Variants in CENPE observed in about 807,000 individuals in gnomAD.
CENPE encodes centromere-associated protein E.
Under a neutral mutation model 336.1 loss-of-function variants are expected in CENPE, and 145 were observed. That is an observed-to-expected ratio of 0.43 (90% CI 0.38 to 0.50). The LOEUF (loss-of-function observed/expected upper bound fraction) is 0.50. Ranked by LOEUF, CENPE falls within the 20% of genes least tolerant of loss-of-function variation. The pLI is 0.00. For synonymous variants in CENPE, 1,013 were observed against 984.8 expected, an observed-to-expected ratio of 1.03 and a Z score of -0.54; for missense variants, 2,719 against 3,023.3, an observed-to-expected ratio of 0.90 and a Z score of 2.36.
At chr4:103,125,634 G>A (rs530345209) in intron 42 of CENPE, among the ~76,000 whole-genome samples, 2 of 152,192 alleles carry the variant, frequency 1.3e-5, no homozygotes, top group South Asian at 4.2e-4. Flanking sequence ...GCAGTCCGAG[G>A]CGGGCAGATC....
Position 103,159,017 on chromosome 4 carries a change from T to C in CENPE, c.2594A>G (p.Lys865Arg). The C allele has an allele frequency of 6.5e-7, 1 of 1,532,518 alleles. No homozygotes were observed. The highest frequency in any genetic ancestry group is 8.7e-7 in the Non-Finnish European group (1 of 1,147,050). The allele number at this position is 1,532,518 out of a possible 1,614,324, so 94.9% of individuals were successfully genotyped here. ...QKFDSSLGAL[K>R]TELSYKTQEL... ...ATAGCATCTTGTACCAACCTCGGTCTTCAAAGCACCCAAACTCGAATCAAA... is the reference window on the plus strand; with the variant it reads ...ATAGCATCTTGTACCAACCTCGGTCCTCAAAGCACCCAAACTCGAATCAAA... The change falls in exon 22 of 49, where the codon AAG (lysine) becomes AGG (arginine). Residue 865 changes from lysine (K) to arginine (R), a missense_variant. Transcript: ENST00000265148.
intron 8 of CENPE, 70 bp from the exon 9 acceptor site, chr4:103,185,931 A>T: frequency 9.8e-7 from 1 of 1,017,822 alleles, no homozygotes; most frequent in Non-Finnish European, 1.5e-6. Context: ...CTACTGAAAG[A>T]ACATTTTTAA....
At chr4:103,148,778 TTA>T in intron 28 of CENPE, 64 bp downstream of exon 28, 6 of 1,451,192 alleles carry the variant, frequency 4.1e-6, no homozygotes, top group Non-Finnish European at 5.7e-6. Context: ...TTCTTACTGC[TTA>T]TCTTTCCTTC....
chr4:103,163,478 C>T lies in CENPE; in HGVS notation c.1722+1G>A. The stretch of plus-strand genomic sequence containing the variant: ...ATAGAAATACCAACATGAATGCTCA[C>T]CTCAAGATCTTGATTATATACTTCT... On this transcript the variant is annotated splice_donor_variant, in intron 17 of 48. Coordinates refer to ENST00000265148, the MANE Select transcript of CENPE (RefSeq NM_001813.3). LOFTEE classifies it high-confidence loss of function. 6.3e-7 allele frequency: 1 copy of T among 1,585,866 alleles called. No homozygotes were observed. Among genetic ancestry groups the T allele is most frequent in the Non-Finnish European group, 8.6e-7 (1 of 1,162,048 alleles).
chr4:103,112,612 GTA>G (rs1749581161), intron 46 of CENPE, among the ~76,000 whole-genome samples: 1 of 130,990 alleles, frequency 7.6e-6, no homozygotes, highest in Non-Finnish European at 1.5e-5. Context: ...ATATAAGTCT[GTA>G]TATATACTTG....
At position 103,132,784 on chromosome 4, in the gene CENPE, GTATT is replaced by G. The variant is rs1751702915; in HGVS notation, c.6829_6832del (p.Asn2277LeufsTer5). On this transcript the variant is annotated frameshift_variant, in exon 42 of 49. Coordinates refer to ENST00000265148, the MANE Select transcript of CENPE (RefSeq NM_001813.3). LOFTEE classifies it high-confidence loss of function. The stretch of plus-strand genomic sequence containing the variant: ...TTTAAGCTTTTCTATATCAAAACGA[GTATT>G]TAACCACTCTTCCAAAAACTGTGTC... The G allele has an allele frequency of 6.3e-7, 1 of 1,577,710 alleles. No individual in the cohort carries two copies. The highest frequency in any genetic ancestry group is 1.4e-5 in the African/African-American group (1 of 73,816).
chr4:103,133,976 G>C, intron 40 of CENPE, 84 bp from the exon 41 acceptor site: 2 of 807,502 alleles, frequency 2.5e-6, no homozygotes, highest in East Asian at 2.7e-5. Flanking sequence ...CTATGAGGTA[G>C]GATGACATCT....
In CENPE at chr4:103,154,774, GA is replaced by G. The variant is rs1164065099; in HGVS notation, c.3034-1525del. ...AAAATTATTAGAACCTGTGAAAAAG[GA>G]AAAAAATTGTCCTTTATATAAGAAT... is the stretch of plus-strand genomic sequence containing the variant. On this transcript the variant is annotated intron_variant, in intron 24 of 48. Transcript: ENST00000265148. Among the ~76,000 whole-genome samples the G allele has an allele frequency of 4.6e-5, 7 of 151,868 alleles. No individual in the cohort carries two copies. In the South Asian group the frequency reaches 1.2e-3, roughly 27 times the overall value.
chr4:103,197,887 G>A (rs1449110522), intron 1 of CENPE, among the ~76,000 whole-genome samples: 2 of 152,198 alleles, frequency 1.3e-5, no homozygotes, highest in African/African-American at 4.8e-5. Context: ...TGTCTTCAGA[G>A]GGTCTGGAGA....
intron 43 of CENPE, 132 bp downstream of exon 43, chr4:103,122,739 C>G: frequency 1.6e-6 from 1 of 644,638 alleles, no homozygotes; most frequent in South Asian, 1.9e-5. Context: ...AGTAGAACTA[C>G]TAGTAAAAAT....
rs2125967537 is a variant in CENPE, at chr4:103,158,689, A to G, written c.2799T>C (p.Asp933=). ...EVKTLTQEKD[D]LKQLQESLQI... ...GCAAGCTTTCTTGGAGTTGTTTTAG[A>G]TCATCTTTTTCTTGAGTTAAAGTTT... is the stretch of plus-strand genomic sequence containing the variant. Residue 933 remains aspartate, a synonymous_variant, in exon 23 of 49, where the codon GAT becomes GAC. Coordinates refer to ENST00000265148, the MANE Select transcript of CENPE (RefSeq NM_001813.3). 1 of 1,612,632 alleles carries G rather than the reference A, an allele frequency of 6.2e-7. No individual in the cohort carries two copies. The highest frequency in any genetic ancestry group is 1.1e-5 in the South Asian group (1 of 90,918).
chr4:103,176,267 A>G (rs548172021), intron 14 of CENPE, among the ~76,000 whole-genome samples: 107 of 152,302 alleles, frequency 7.0e-4, no homozygotes, highest in Non-Finnish European at 9.6e-4. Context: ...GTGACACAAT[A>G]CAGGATCCTT....
At chr4:103,157,954 C>T (rs1183483123) in intron 24 of CENPE, among the ~76,000 whole-genome samples, 1 of 151,852 alleles carries the variant, frequency 6.6e-6, no homozygotes, top group African/African-American at 2.4e-5. Context: ...GAAAAGAATA[C>T]TGTTAATAAA....
chr4:103,107,754 T>C (rs1749022078), intron 48 of CENPE, among the ~76,000 whole-genome samples: 1 of 152,124 alleles, frequency 6.6e-6, no homozygotes, highest in East Asian at 1.9e-4. Flanking sequence ...CTTCTCTCCT[T>C]CTCTACTCCA....
At chr4:103,183,061 C>A in intron 10 of CENPE, 140 bp downstream of exon 10, 1 of 865,570 alleles carries the variant, frequency 1.2e-6, no homozygotes, top group Non-Finnish European at 1.8e-6. Context: ...AAAGTAAATT[C>A]AGTAGATTAT....
At chr4:103,195,073 A>G in intron 5 of CENPE, 41 bp downstream of exon 5, 1 of 1,514,500 alleles carries the variant, frequency 6.6e-7, no homozygotes, top group Non-Finnish European at 8.8e-7. Context: ...TAATCTCAAT[A>G]AGTCAGTCAA....
chr4:103,113,945 A>G (rs952391642), intron 46 of CENPE, among the ~76,000 whole-genome samples: 1 of 152,024 alleles, frequency 6.6e-6, no homozygotes, highest in Non-Finnish European at 1.5e-5. Context: ...ATGCATGTAT[A>G]TTGAGAAATT....
In CENPE at chr4:103,163,155, C is replaced by A. The variant is rs781569770; in HGVS notation, c.1824G>T (p.Met608Ile). 6.2e-7 allele frequency: 1 copy of A among 1,608,658 alleles called. No individual in the cohort carries two copies. Residue 608 changes from methionine to isoleucine, a missense_variant, in exon 18 of 49, where the codon ATG becomes ATT. Physicochemically the swap from Met to Ile is conservative, Grantham distance 10. Transcript: ENST00000265148. ...IDSQKLENIK[M>I]DLSYSLESIE... is the part of the protein sequence containing the mutation. ...TTTTTACCAATGAGTATGACAAGTC[C>A]ATTTTTATATTTTCTAGCTTTTGAG... is the stretch of plus-strand genomic sequence containing the variant.
intron 9 of CENPE, 56 bp from the exon 10 acceptor site, chr4:103,183,344 A>T: frequency 7.2e-7 from 1 of 1,391,944 alleles, no homozygotes; most frequent in Non-Finnish European, 1.0e-6. Context: ...TAGATGATAA[A>T]CTTATTTATC....
Sources: gnomAD v4.1 joint callset for allele counts (sites outside exome capture counted in the v4.1 genomes callset) on GRCh38, gnomAD v4.1.1 for gene constraint, MANE v1.5 for transcripts, NCBI Gene and HGNC (gene_info 2026-07-23, HGNC 2026-07-21) for gene names.